CAPZA2: variants seen among roughly 807,000 people sequenced by gnomAD.
CAPZA2 encodes the protein F-actin-capping protein subunit alpha-2.
A neutral mutation model predicts 44.0 loss-of-function variants in CAPZA2; 13 were observed. The observed-to-expected ratio is 0.30, with a 90% CI of 0.19 to 0.47. CAPZA2 has a LOEUF of 0.47. Ranked by LOEUF, CAPZA2 falls within the 20% of genes least tolerant of loss-of-function variation. CAPZA2 has a pLI of 1.00. For missense variants in CAPZA2, 244 were observed against 338.6 expected, an observed-to-expected ratio of 0.72 and a Z score of 2.19; for synonymous variants, 94 against 108.2, an observed-to-expected ratio of 0.87 and a Z score of 0.81.
At chr7:116,874,725 T>C (rs1256168608) in intron 1 of CAPZA2, 2 of 152,256 alleles carry the variant, frequency 1.3e-5, no homozygotes, top group Non-Finnish European at 2.9e-5. Context: ...ACTGTGCTTT[T>C]ACTTGATGGA....
At chr7:116,883,290 T>C (rs1472001151) in intron 1 of CAPZA2, among the ~76,000 whole-genome samples, 1 of 152,198 alleles carries the variant, frequency 6.6e-6, no homozygotes, top group African/African-American at 2.4e-5. Context: ...TTTTTTTTTC[T>C]TTTTTGCATT....
At chr7:116,884,464 G>A (rs1207131279) in intron 1 of CAPZA2, among the ~76,000 whole-genome samples, 1 of 151,706 alleles carries the variant, frequency 6.6e-6, no homozygotes, top group Non-Finnish European at 1.5e-5. Flanking sequence ...TTTCGTCATT[G>A]CTCTAATATT....
chr7:116,877,733 C>G (rs112383146), intron 1 of CAPZA2, among the ~76,000 whole-genome samples: 108 of 152,270 alleles, frequency 7.1e-4, no homozygotes, highest in African/African-American at 2.5e-3. Context: ...TATTTTACAG[C>G]CTTAGAAGAG....
chr7:116,881,997 G>A (rs894171373), intron 1 of CAPZA2, among the ~76,000 whole-genome samples: 1 of 152,056 alleles, frequency 6.6e-6, no homozygotes, highest in Admixed American at 6.6e-5. Context: ...TGAATTTTTG[G>A]CAGGAGTGTC....
At chr7:116,907,046 C>A (rs958963602) in intron 6 of CAPZA2, among the ~76,000 whole-genome samples, 4 of 152,166 alleles carry the variant, frequency 2.6e-5, no homozygotes, top group Non-Finnish European at 5.9e-5. Flanking sequence ...GCTGAGGTCA[C>A]CAGAATAAGT....
Position 116,898,776 on chromosome 7 carries a change from T to G in CAPZA2, c.160T>G (p.Phe54Val), listed in dbSNP as rs1476415362. Residue 54 changes from phenylalanine (F) to valine (V), a missense_variant, in exon 4 of 10, where the codon TTT becomes GTT. Transcript: ENST00000361183. ...NLLREGAAHAFAQYNLDQFTP... is the reference protein window; with the variant it reads ...NLLREGAAHAVAQYNLDQFTP... Reference sequence around the variant, plus strand: ...TTGCCATTTTCTTTTTTTTAGTGCATTTGCACAGTATAACTTGGACCAGTT... The same window carrying G: ...TTGCCATTTTCTTTTTTTTAGTGCAGTTGCACAGTATAACTTGGACCAGTT... 2 of 1,585,454 alleles carry G rather than the reference T, an allele frequency of 1.3e-6. No homozygotes were observed. The highest frequency in any genetic ancestry group is 1.7e-6 in the Non-Finnish European group (2 of 1,163,392).
chr7:116,895,637 A>T (rs1796915033), intron 3 of CAPZA2, among the ~76,000 whole-genome samples: 1 of 152,044 alleles, frequency 6.6e-6, no homozygotes, highest in South Asian at 2.1e-4. Context: ...TTTTCTTTGC[A>T]TGTAGTTATA....
chr7:116,891,431 A>G (rs562999574), intron 2 of CAPZA2, among the ~76,000 whole-genome samples: 1 of 152,256 alleles, frequency 6.6e-6, no homozygotes, highest in Non-Finnish European at 1.5e-5. Context: ...TTTTTTAGGC[A>G]GAAGCATCCA....
At chr7:116,912,846 G>A (rs1791615883) in intron 8 of CAPZA2, among the ~76,000 whole-genome samples, 1 of 152,068 alleles carries the variant, frequency 6.6e-6, no homozygotes, top group South Asian at 2.1e-4. Context: ...TGGGTCATTT[G>A]GTAACTATGT....
Position 116,916,038 on chromosome 7 carries a change from ATTTTG to A in CAPZA2, c.658-17_658-13del. 7.3e-7 allele frequency: 1 copy of A among 1,375,168 alleles called. No homozygotes were observed. Among genetic ancestry groups the A allele is most frequent in the Non-Finnish European group, 9.9e-7 (1 of 1,014,888 alleles). The allele number at this position is 1,375,168 out of a possible 1,614,324, so 85.2% of individuals were successfully genotyped here. On this transcript the variant is annotated splice_polypyrimidine_tract_variant and intron_variant, in intron 8 of 9. Coordinates refer to ENST00000361183, the MANE Select transcript of CAPZA2 (RefSeq NM_006136.3). ...GGTTTAGTTTTAAATTACTATTTTTATTTTGTTTTTTTTTTTTTCAGAATGAAGTG... is the reference window on the plus strand; with the variant it reads ...GGTTTAGTTTTAAATTACTATTTTTATTTTTTTTTTTTTCAGAATGAAGTG...
At chr7:116,873,586 G>A (rs1241831511) in intron 1 of CAPZA2, 1 of 154,438 alleles carries the variant, frequency 6.5e-6, no homozygotes, top group African/African-American at 2.4e-5. Context: ...AAAGGCACTA[G>A]AACAATCTGG....
At chr7:116,863,229 A>T (rs1351218612) in intron 1 of CAPZA2, among the ~76,000 whole-genome samples, 1 of 151,762 alleles carries the variant, frequency 6.6e-6, no homozygotes, top group Non-Finnish European at 1.5e-5. Context: ...CCCTTTCCCC[A>T]TGGAGGCATC....
chr7:116,899,478 A>G (rs1796967648), intron 4 of CAPZA2, among the ~76,000 whole-genome samples: 1 of 151,886 alleles, frequency 6.6e-6, no homozygotes, highest in Non-Finnish European at 1.5e-5. Context: ...TTTATTTGGC[A>G]TTAGTCGTTA....
intron 1 of CAPZA2, among the ~76,000 whole-genome samples, chr7:116,876,964 T>C (rs1796630451): frequency 6.6e-6 from 1 of 152,172 alleles, no homozygotes; most frequent in South Asian, 2.1e-4. Context: ...GATCCATTCA[T>C]TGTTTGATAA....
At chr7:116,902,311 G>A (rs2115954421) in intron 4 of CAPZA2, among the ~76,000 whole-genome samples, 1 of 152,214 alleles carries the variant, frequency 6.6e-6, no homozygotes, top group East Asian at 1.9e-4. Context: ...ATAAAAGATG[G>A]ACATTTTACT....
intron 9 of CAPZA2, among the ~76,000 whole-genome samples, chr7:116,916,773 T>C (rs1306354441): frequency 6.6e-6 from 1 of 152,246 alleles, no homozygotes; most frequent in Non-Finnish European, 1.5e-5. Context: ...CCAGTCAAGC[T>C]TCCATAATCT....
chr7:116,895,965 A>G (rs776039334), intron 3 of CAPZA2, among the ~76,000 whole-genome samples: 33 of 152,146 alleles, frequency 2.2e-4, no homozygotes, highest in Non-Finnish European at 4.0e-4. Context: ...ATCCAAAACT[A>G]CGTAACAAAA....
At chr7:116,885,325 A>G (rs182345680) in intron 1 of CAPZA2, among the ~76,000 whole-genome samples, 182 of 150,690 alleles carry the variant, frequency 1.2e-3, no homozygotes, top group Non-Finnish European at 2.0e-3. Context: ...CAAAACACCT[A>G]TGTTTTTTTT....
At chr7:116,879,933 G>A in intron 1 of CAPZA2, 3 of 344,878 alleles carry the variant, frequency 8.7e-6, no homozygotes, top group South Asian at 7.0e-5. Context: ...ATTCTGCCTT[G>A]AAGGGAGATT....
Sources: allele counts gnomAD v4.1 joint callset (sites outside exome capture counted in the v4.1 genomes callset), GRCh38; gene constraint gnomAD v4.1.1; transcripts MANE v1.5; gene names NCBI Gene and HGNC (gene_info 2026-07-23, HGNC 2026-07-21).